The following CYP7B1 variants were observed in gnomAD, a reference collection of about 807,000 sequenced individuals.
The protein encoded by CYP7B1 is cytochrome P450 family 7 subfamily B member 1, also known as cytochrome P450 7B1.
A neutral mutation model predicts 42.7 loss-of-function variants in CYP7B1; 29 were observed. That is an observed-to-expected ratio of 0.68 (90% CI 0.51 to 0.93). CYP7B1 has a LOEUF of 0.93. CYP7B1 is among the 40% of genes least tolerant of loss of function. The pLI, the probability that CYP7B1 is intolerant of heterozygous loss-of-function variation, is 0.00. For synonymous variants in CYP7B1, 235 were observed against 218.2 expected (o/e 1.08, Z -0.68); for missense variants, 655 against 600.5 (o/e 1.09, Z -0.95).
At chr8:64,735,560 A>T (rs987802085) in intron 1 of CYP7B1, among the ~76,000 whole-genome samples, 7 of 152,214 alleles carry the variant, frequency 4.6e-5, no homozygotes, top group Non-Finnish European at 8.8e-5. Context: ...TTTAAATCTG[A>T]ACTCAAAACC....
intron 1 of CYP7B1, among the ~76,000 whole-genome samples, chr8:64,683,113 C>T (rs747873988): frequency 5.9e-5 from 9 of 152,212 alleles, no homozygotes; most frequent in Non-Finnish European, 1.3e-4. Context: ...TGCATGATCA[C>T]AGCAGCCTTT....
chr8:64,600,305 T>C (rs1011391370), intron 5 of CYP7B1, among the ~76,000 whole-genome samples: 3 of 152,216 alleles, frequency 2.0e-5, no homozygotes, highest in Non-Finnish European at 2.9e-5. Context: ...CTCCAAATAC[T>C]ATGTTTAGTT....
intron 1 of CYP7B1, among the ~76,000 whole-genome samples, chr8:64,691,640 T>C (rs1806747180): frequency 6.6e-6 from 1 of 152,124 alleles, no homozygotes; most frequent in African/African-American, 2.4e-5. Flanking sequence ...GACAATGGCA[T>C]AAAAAATACC....
At chr8:64,619,073 A>G (rs1805491048) in intron 2 of CYP7B1, among the ~76,000 whole-genome samples, 1 of 152,186 alleles carries the variant, frequency 6.6e-6, no homozygotes, top group South Asian at 2.1e-4. Context: ...CCAACTTTTA[A>G]TCTTCAGTAT....
rs574686299 is a variant in CYP7B1 at position 64,761,442 on chromosome 8, C to A, written c.122+37024G>T. Among the ~76,000 whole-genome samples the A allele has an allele frequency of 3.9e-5, 6 of 152,140 alleles. 1 individual carries two copies. In the South Asian group the frequency reaches 1.0e-3, roughly 26 times the overall value. On this transcript the variant is annotated intron_variant, in intron 1 of 5. Transcript: ENST00000310193. ...CTCATATAAAACACCATGTTAAACACTTTAAATATATATAATTTTTATTTA... is the reference window on the plus strand; with the variant it reads ...CTCATATAAAACACCATGTTAAACAATTTAAATATATATAATTTTTATTTA...
chr8:64,756,143 C>A (rs1807804977), intron 1 of CYP7B1, among the ~76,000 whole-genome samples: 1 of 152,150 alleles, frequency 6.6e-6, no homozygotes, highest in Admixed American at 6.5e-5. Context: ...GACTTCATGT[C>A]CAACTTTTAA....
intron 1 of CYP7B1, among the ~76,000 whole-genome samples, chr8:64,770,029 G>T (rs907800626): frequency 1.3e-5 from 2 of 151,990 alleles, no homozygotes; most frequent in African/African-American, 4.8e-5. Flanking sequence ...AATTACATTT[G>T]TGTGTGTGTG....
intron 1 of CYP7B1, among the ~76,000 whole-genome samples, chr8:64,762,476 T>G (rs1406392690): frequency 6.6e-6 from 1 of 152,206 alleles, no homozygotes; most frequent in Non-Finnish European, 1.5e-5. Flanking sequence ...CAATGAGTTA[T>G]CAATACTTGG....
intron 1 of CYP7B1, among the ~76,000 whole-genome samples, chr8:64,791,434 G>A (rs1049471996): frequency 7.2e-5 from 11 of 152,152 alleles, no homozygotes; most frequent in South Asian, 2.1e-4. Flanking sequence ...TTATCAGCAC[G>A]GGCCCGAGGT....
At chr8:64,686,129 C>G (rs1806636779) in intron 1 of CYP7B1, among the ~76,000 whole-genome samples, 3 of 102,858 alleles carry the variant, frequency 2.9e-5, no homozygotes, top group Admixed American at 8.7e-5. Flanking sequence ...GCCCGGCCAG[C>G]CGCCCCGTCT....
At chr8:64,675,111 T>G (rs1806425703) in intron 1 of CYP7B1, among the ~76,000 whole-genome samples, 1 of 152,126 alleles carries the variant, frequency 6.6e-6, no homozygotes, top group South Asian at 2.1e-4. Flanking sequence ...GAACCAGGTA[T>G]ACACTTGGCC....
chr8:64,633,812 G>T (rs1805731718), intron 1 of CYP7B1, among the ~76,000 whole-genome samples: 1 of 152,078 alleles, frequency 6.6e-6, no homozygotes, highest in Admixed American at 6.5e-5. Flanking sequence ...TGAAGGAGAA[G>T]AACAAAGTGG....
intron 1 of CYP7B1, among the ~76,000 whole-genome samples, chr8:64,766,607 T>C (rs1245643755): frequency 2.0e-5 from 3 of 152,010 alleles, no homozygotes; most frequent in Non-Finnish European, 4.4e-5. Context: ...GCAACTCGAA[T>C]GCCTAATAGG....
intron 1 of CYP7B1, among the ~76,000 whole-genome samples, chr8:64,752,957 G>A (rs188207069): frequency 3.9e-5 from 6 of 152,194 alleles, no homozygotes; most frequent in African/African-American, 9.6e-5. Flanking sequence ...GAGATCAGAA[G>A]AAAGTTGAGA....
chr8:64,704,643 T>G (rs951826079), intron 1 of CYP7B1, among the ~76,000 whole-genome samples: 1 of 152,036 alleles, frequency 6.6e-6, no homozygotes, highest in African/African-American at 2.4e-5. Flanking sequence ...TGCTCTAACA[T>G]CAAAGCAGAA....
chr8:64,669,751 A>T (rs1026703468), intron 1 of CYP7B1, among the ~76,000 whole-genome samples: 7 of 151,808 alleles, frequency 4.6e-5, no homozygotes, highest in Non-Finnish European at 8.8e-5. Context: ...ACACACATAC[A>T]CACACCCCTC....
chr8:64,689,069 C>G (rs563690280), intron 1 of CYP7B1, among the ~76,000 whole-genome samples: 26 of 152,210 alleles, frequency 1.7e-4, no homozygotes, highest in Middle Eastern at 3.4e-3. Context: ...TCTTTCTTTA[C>G]TTTTAAAATT....
In CYP7B1 at chr8:64,639,424, GACAA is replaced by G. The variant is rs1400421907; in HGVS notation, c.123-14889_123-14886del. Among the ~76,000 whole-genome samples the G allele has an allele frequency of 2.0e-5, 3 of 152,080 alleles. No homozygotes were observed. The East Asian group carries it at 5.8e-4, about 29-fold the overall frequency. The stretch of plus-strand genomic sequence containing the variant: ...TAGAGAAGCCTTATAACTATAGGGA[GACAA>G]ACAATCTGATTTAAAAAATGGGCAA... On this transcript the variant is annotated intron_variant, in intron 1 of 5. Coordinates refer to ENST00000310193, the MANE Select transcript of CYP7B1 (RefSeq NM_004820.5).
chr8:64,704,874 A>G (rs1806969975), intron 1 of CYP7B1, among the ~76,000 whole-genome samples: 2 of 152,066 alleles, frequency 1.3e-5, no homozygotes, highest in Admixed American at 1.3e-4. Context: ...TTAAATCAAC[A>G]ACCAGTTGAC....
Sources: gnomAD v4.1 joint callset for allele counts (sites outside exome capture counted in the v4.1 genomes callset) on GRCh38, gnomAD v4.1.1 for gene constraint, MANE v1.5 for transcripts, NCBI Gene and HGNC (gene_info 2026-07-23, HGNC 2026-07-21) for gene names.